TOX: variants seen among roughly 807,000 people sequenced by gnomAD.
TOX encodes thymocyte selection-associated high mobility group box protein TOX.
Under a neutral mutation model 53.7 loss-of-function variants are expected in TOX, and 11 were observed. The ratio of observed to expected loss-of-function variants is 0.20; its 90% CI spans 0.13 to 0.34. TOX has a LOEUF of 0.34. TOX is among the 10% of genes least tolerant of loss of function. The probability of loss-of-function intolerance (pLI) is 1.00; values close to 1 mark genes in which losing one functional copy is unlikely to be tolerated. For missense variants in TOX, 570 were observed against 664.6 expected (o/e 0.86, Z 1.56); for synonymous variants, 225 against 245.3 (o/e 0.92, Z 0.77).
chr8:59,059,708 CAGTT>C (rs1803944957), intron 1 of TOX, among the ~76,000 whole-genome samples: 1 of 152,128 alleles, frequency 6.6e-6, no homozygotes, highest in Non-Finnish European at 1.5e-5. Flanking sequence ...CCTTGGCAAA[CAGTT>C]AGTAAAATTA....
chr8:59,118,741 G>C lies in TOX; in HGVS notation c.102+145C>G, dbSNP rs1018187350. 2.2e-6 allele frequency: 1 copy of C among 449,150 alleles called. No individual in the cohort carries two copies. Among genetic ancestry groups the C allele is most frequent in the Non-Finnish European group, 3.8e-6 (1 of 262,198 alleles). 27.8% of individuals were successfully genotyped at this position (449,150 alleles called of 1,614,324 possible). On this transcript the variant is annotated intron_variant, in intron 1 of 8. Transcript: ENST00000361421. The surrounding 1 kb of genome is among the most constrained non-coding windows in gnomAD (Gnocchi z 4.1). ...CTACTCCACAATATTTACTACCCAA[G>C]CGCACGCAGGCTGCAGCGGGCTGCG... is the stretch of plus-strand genomic sequence containing the variant.
chr8:59,017,281 G>T (rs1268617703), intron 1 of TOX, among the ~76,000 whole-genome samples: 11 of 152,202 alleles, frequency 7.2e-5, no homozygotes, highest in Admixed American at 6.5e-4. Context: ...AATGAAATTT[G>T]GAGAGACCCT....
At chr8:59,064,274 G>A (rs2129422155) in intron 1 of TOX, among the ~76,000 whole-genome samples, 1 of 152,244 alleles carries the variant, frequency 6.6e-6, no homozygotes, top group East Asian at 1.9e-4. Context: ...ATTCTTTGGA[G>A]ACCTTTAGGG....
At chr8:58,893,040 G>A (rs976887637) in intron 3 of TOX, among the ~76,000 whole-genome samples, 1 of 152,150 alleles carries the variant, frequency 6.6e-6, no homozygotes, top group African/African-American at 2.4e-5. Context: ...AAGTGTAAGA[G>A]CAAATAAATT....
At position 59,118,226 on chromosome 8, in the gene TOX, T is replaced by C. The variant is rs571987339; in HGVS notation, c.102+660A>G. ...GCCCGGCTCCCAACAAACTTGCAAT[T>C]TCCGCGCGCACCCCTTAAACAGGAA... On this transcript the variant is annotated intron_variant, in intron 1 of 8. Coordinates refer to ENST00000361421, the MANE Select transcript of TOX (RefSeq NM_014729.3). The surrounding 1 kb of genome is among the most constrained non-coding windows in gnomAD (Gnocchi z 4.1). 3.4e-4 allele frequency among the ~76,000 whole-genome samples: 52 copies of C among 152,144 alleles called. No homozygotes were observed. The highest frequency in any genetic ancestry group is 6.2e-4 in the Non-Finnish European group (42 of 68,004).
In TOX at chr8:58,851,166, C is replaced by CTT. The variant is rs1457978184; in HGVS notation, c.693+357_693+358insAA. Among the ~76,000 whole-genome samples the CTT allele has an allele frequency of 1.5e-5, 2 of 136,496 alleles. No individual in the cohort carries two copies. Among genetic ancestry groups the CTT allele is most frequent in the African/African-American group, 6.0e-5 (2 of 33,318 alleles). 89.5% of individuals were successfully genotyped at this position (136,496 alleles called of 152,430 possible). A position where few individuals can be genotyped will look rare whatever the true frequency, so the allele number is the denominator to read the frequency against. ...ATCTCCTCTCTCTCTCTGTCTCTCT[C>CTT]TCTCTCTCTCTCTCTCTCTCACACA... On this transcript the variant is annotated intron_variant, in intron 4 of 8. Coordinates refer to ENST00000361421, the MANE Select transcript of TOX (RefSeq NM_014729.3). The surrounding 1 kb of genome is among the most constrained non-coding windows in gnomAD (Gnocchi z 4.4).
At chr8:58,870,005 G>C (rs751370743) in intron 3 of TOX, among the ~76,000 whole-genome samples, 3 of 152,022 alleles carry the variant, frequency 2.0e-5, no homozygotes, top group Non-Finnish European at 4.4e-5. Context: ...TTCCTGCTAA[G>C]ATCAGAAACA....
At chr8:58,991,944 A>C (rs1442571065) in intron 1 of TOX, 2 of 152,286 alleles carry the variant, frequency 1.3e-5, no homozygotes, top group Non-Finnish European at 2.9e-5. Context: ...CAGCGTGCTC[A>C]TCTTGGCCTC....
At chr8:59,092,129 G>A (rs1804616993) in intron 1 of TOX, among the ~76,000 whole-genome samples, 1 of 150,220 alleles carries the variant, frequency 6.7e-6, no homozygotes, top group Admixed American at 6.7e-5. Flanking sequence ...GTGGGCACCT[G>A]TAATCCCAGC....
chr8:58,933,828 A>G (rs1037262346), intron 3 of TOX, among the ~76,000 whole-genome samples: 4 of 152,196 alleles, frequency 2.6e-5, no homozygotes, highest in Non-Finnish European at 5.9e-5. Flanking sequence ...TAAAAGCAAC[A>G]CTGTTTCCTC....
chr8:58,975,145 T>C (rs866073447), intron 1 of TOX, among the ~76,000 whole-genome samples: 13 of 151,576 alleles, frequency 8.6e-5, no homozygotes, highest in South Asian at 2.1e-4. Context: ...TTTACAGATA[T>C]ATATTATTAT....
intron 1 of TOX, among the ~76,000 whole-genome samples, chr8:59,097,247 C>T (rs1429500741): frequency 6.6e-6 from 1 of 152,130 alleles, no homozygotes; most frequent in African/African-American, 2.4e-5. Flanking sequence ...ATGCCACCAA[C>T]TTCCATACCT....
At chr8:59,087,196 C>T (rs1804527558) in intron 1 of TOX, among the ~76,000 whole-genome samples, 1 of 152,162 alleles carries the variant, frequency 6.6e-6, no homozygotes, top group Admixed American at 6.5e-5. Flanking sequence ...CAGTCGAGCA[C>T]ATATCTTACA....
At chr8:58,887,697 T>G (rs1006794475) in intron 3 of TOX, among the ~76,000 whole-genome samples, 2 of 152,082 alleles carry the variant, frequency 1.3e-5, no homozygotes, top group Non-Finnish European at 2.9e-5. Context: ...ACTGTTTTTC[T>G]GTTTTGCTTG....
chr8:59,041,397 T>A (rs79845975), intron 1 of TOX, among the ~76,000 whole-genome samples: 1 of 152,156 alleles, frequency 6.6e-6, no homozygotes, highest in Non-Finnish European at 1.5e-5. Flanking sequence ...TGATGCTGTT[T>A]ACCATTTTTC....
At chr8:59,083,073 C>T (rs1286333381) in intron 1 of TOX, among the ~76,000 whole-genome samples, 1 of 152,116 alleles carries the variant, frequency 6.6e-6, no homozygotes, top group African/African-American at 2.4e-5. Flanking sequence ...AATACAGGCT[C>T]TCCTTTGTAC....
chr8:59,065,066 C>T (rs1340293835), intron 1 of TOX, among the ~76,000 whole-genome samples: 4 of 152,086 alleles, frequency 2.6e-5, no homozygotes, highest in Non-Finnish European at 4.4e-5. Context: ...AGCTCAGGTT[C>T]AAGCTAAACA....
chr8:59,033,600 G>C (rs1268248945), intron 1 of TOX, among the ~76,000 whole-genome samples: 1 of 152,080 alleles, frequency 6.6e-6, no homozygotes, highest in Non-Finnish European at 1.5e-5. Flanking sequence ...AAGAAAGGAG[G>C]GATCAGCTAG....
intron 1 of TOX, among the ~76,000 whole-genome samples, chr8:59,105,687 AC>A (rs1396976013): frequency 2.0e-5 from 3 of 152,002 alleles, no homozygotes; most frequent in Non-Finnish European, 4.4e-5. Flanking sequence ...TTTCAACATT[AC>A]CCTACTTATT....
Sources: gnomAD v4.1 joint callset for allele counts (sites outside exome capture counted in the v4.1 genomes callset) on GRCh38, gnomAD v4.1.1 for gene constraint, Gnocchi (gnomAD v3.1) non-coding constraint, MANE v1.5 for transcripts, NCBI Gene and HGNC (gene_info 2026-07-23, HGNC 2026-07-21) for gene names.